The following NIPAL2 variants were observed in gnomAD, a reference collection of about 807,000 sequenced individuals.
NIPAL2 encodes NIPA-like protein 2.
A neutral mutation model predicts 48.9 loss-of-function variants in NIPAL2; 43 were observed. The ratio of observed to expected loss-of-function variants is 0.88; its 90% CI spans 0.69 to 1.13. NIPAL2 has a LOEUF of 1.13. Among genes scored for constraint, NIPAL2 ranks in the 50% most tolerant of loss-of-function variants. The pLI is 0.00. For synonymous variants in NIPAL2, 167 were observed against 174.6 expected (o/e 0.96, Z 0.34); for missense variants, 446 against 461.4 (o/e 0.97, Z 0.31).
intron 3 of NIPAL2, among the ~76,000 whole-genome samples, chr8:98,248,648 T>C (rs917867126): frequency 6.6e-6 from 1 of 152,244 alleles, no homozygotes; most frequent in African/African-American, 2.4e-5. Flanking sequence ...TCTGCTGCCC[T>C]GGTTTATTTG....
chr8:98,249,801 C>T (rs551073988), intron 3 of NIPAL2, among the ~76,000 whole-genome samples: 2 of 147,052 alleles, frequency 1.4e-5, no homozygotes, highest in African/African-American at 2.5e-5. Context: ...AATATATAAT[C>T]GAATATATTA....
rs1816651512 is a variant in NIPAL2 at position 98,294,186 on chromosome 8, C to G, written c.-49G>C. 7.7e-7 allele frequency: 1 copy of G among 1,293,630 alleles called. No individual in the cohort carries two copies. The highest frequency in any genetic ancestry group is 4.3e-5 in the Admixed American group (1 of 23,414). The allele number at this position is 1,293,630 out of a possible 1,614,324, so 80.1% of individuals were successfully genotyped here. ...GCTCCGGCTCGGGCTGCGGCCGCCT[C>G]CCCGCCCTGTTGCACCGCGAGGAGG... On this transcript the variant is annotated 5_prime_UTR_variant, in exon 1 of 11. Transcript: ENST00000430223.
intron 4 of NIPAL2, among the ~76,000 whole-genome samples, chr8:98,224,270 T>TA (rs1300974845): frequency 6.6e-6 from 1 of 152,260 alleles, no homozygotes; most frequent in African/African-American, 2.4e-5. Flanking sequence ...AGTTAACTAC[T>TA]ACCACTAGTT....
At chr8:98,245,966 G>A (rs185994061) in intron 3 of NIPAL2, among the ~76,000 whole-genome samples, 3 of 152,246 alleles carry the variant, frequency 2.0e-5, no homozygotes, top group Non-Finnish European at 4.4e-5. Context: ...TCCGTGTGAA[G>A]TGACACTATC....
chr8:98,263,086 C>A (rs1452588469), intron 1 of NIPAL2, among the ~76,000 whole-genome samples: 1 of 148,442 alleles, frequency 6.7e-6, no homozygotes, highest in Non-Finnish European at 1.5e-5. Flanking sequence ...CCAACGAGAA[C>A]AAAGACACAA....
chr8:98,285,109 C>CGGGG, intron 1 of NIPAL2, among the ~76,000 whole-genome samples: 1 of 152,034 alleles, frequency 6.6e-6, no homozygotes, highest in South Asian at 2.1e-4. Context: ...TGTTCAGGTC[C>CGGGG]CACCAACAAA....
At chr8:98,282,544 G>C (rs1034215770) in intron 1 of NIPAL2, among the ~76,000 whole-genome samples, 6 of 152,094 alleles carry the variant, frequency 3.9e-5, no homozygotes, top group Non-Finnish European at 7.4e-5. Flanking sequence ...GTGGTGGCAC[G>C]CACCTGTAGT....
At chr8:98,238,969 C>T (rs550870111) in intron 3 of NIPAL2, among the ~76,000 whole-genome samples, 1 of 152,234 alleles carries the variant, frequency 6.6e-6, no homozygotes, top group South Asian at 2.1e-4. Flanking sequence ...ACCCCACCCT[C>T]CAATCACAGA....
chr8:98,289,209 T>C (rs1031455461), intron 1 of NIPAL2, among the ~76,000 whole-genome samples: 12 of 152,234 alleles, frequency 7.9e-5, no homozygotes, highest in African/African-American at 2.9e-4. Flanking sequence ...CCCCTTTTTT[T>C]CCTCATATAA....
At chr8:98,293,880 C>G in intron 1 of NIPAL2, 123 bp downstream of exon 1, 1 of 951,062 alleles carries the variant, frequency 1.1e-6, no homozygotes. Flanking sequence ...CCTCTTCCCA[C>G]TCGGAGAGGC....
In NIPAL2 at chr8:98,214,324, C is replaced by T. The variant is rs564699877; in HGVS notation, c.559-1823G>A. On this transcript the variant is annotated intron_variant, in intron 5 of 10. Coordinates refer to ENST00000430223, the MANE Select transcript of NIPAL2 (RefSeq NM_001321635.2). ...GATTATGGGTGCCCGCCACCACGCC[C>T]GGCTAATTTTTGTATTTTTAGTAGA... is the stretch of plus-strand genomic sequence containing the variant. 2.2e-3 allele frequency among the ~76,000 whole-genome samples: 342 copies of T among 152,088 alleles called. 1 individual carries two copies. Among genetic ancestry groups the T allele is most frequent in the African/African-American group, 7.7e-3 (319 of 41,526 alleles).
intron 1 of NIPAL2, among the ~76,000 whole-genome samples, chr8:98,254,938 C>T (rs1813789238): frequency 6.6e-6 from 1 of 152,250 alleles, no homozygotes; most frequent in South Asian, 2.1e-4. Flanking sequence ...CTCAGACCAC[C>T]TTGGCCCACC....
chr8:98,201,736 T>C (rs889392094), intron 8 of NIPAL2, among the ~76,000 whole-genome samples: 3 of 152,228 alleles, frequency 2.0e-5, no homozygotes, highest in African/African-American at 7.2e-5. Flanking sequence ...TATGCAATCT[T>C]TTCTTAATTT....
At chr8:98,266,264 C>A (rs1297172993) in intron 1 of NIPAL2, among the ~76,000 whole-genome samples, 1 of 136,718 alleles carries the variant, frequency 7.3e-6, no homozygotes, top group Non-Finnish European at 1.6e-5. Flanking sequence ...CACATGTACC[C>A]TAAAACTTAA....
At chr8:98,251,802 A>C (rs1004851998) in intron 3 of NIPAL2, 2 of 152,220 alleles carry the variant, frequency 1.3e-5, no homozygotes, top group Non-Finnish European at 2.9e-5. Flanking sequence ...CAAATTTAGA[A>C]ACATTCTGTT....
At chr8:98,208,712 G>T (rs1811161501) in intron 6 of NIPAL2, among the ~76,000 whole-genome samples, 1 of 152,136 alleles carries the variant, frequency 6.6e-6, no homozygotes, top group Admixed American at 6.5e-5. Flanking sequence ...GCCTCCCAAA[G>T]TGCTGGGATT....
chr8:98,271,140 G>T (rs1024469228), intron 1 of NIPAL2, among the ~76,000 whole-genome samples: 7 of 151,994 alleles, frequency 4.6e-5, no homozygotes, highest in African/African-American at 1.7e-4. Context: ...GATGCTTCTG[G>T]CTTTGTTCTT....
In NIPAL2 at chr8:98,191,026, C is replaced by G. The variant is rs1810284469; in HGVS notation, c.*1952G>C. 6.6e-6 allele frequency: 1 copy of G among 152,210 alleles called. No individual in the cohort carries two copies. The highest frequency in any genetic ancestry group is 1.5e-5 in the Non-Finnish European group (1 of 68,042). 9.4% of individuals were successfully genotyped at this position (152,210 alleles called of 1,614,324 possible). ...TATATTTTATATGTTACCTGGACTT[C>G]TAAAACATTGTTGATTGCTTAAATG... On this transcript the variant is annotated 3_prime_UTR_variant, in exon 11 of 11. Coordinates refer to ENST00000430223, the MANE Select transcript of NIPAL2 (RefSeq NM_001321635.2).
At chr8:98,278,555 C>G (rs996815904) in intron 1 of NIPAL2, among the ~76,000 whole-genome samples, 2 of 152,146 alleles carry the variant, frequency 1.3e-5, no homozygotes, top group African/African-American at 4.8e-5. Flanking sequence ...TTCCTGACTT[C>G]CCTCTTCTGA....
Sources: gnomAD v4.1 joint callset for allele counts (sites outside exome capture counted in the v4.1 genomes callset) on GRCh38, gnomAD v4.1.1 for gene constraint, MANE v1.5 for transcripts, NCBI Gene and HGNC (gene_info 2026-07-23, HGNC 2026-07-21) for gene names.